The following IL1RAPL2 variants were observed in gnomAD, a reference collection of about 807,000 sequenced individuals.
The protein encoded by IL1RAPL2 is interleukin 1 receptor accessory protein like 2.
A neutral mutation model predicts 44.1 loss-of-function variants in IL1RAPL2; 3 were observed. The ratio of observed to expected loss-of-function variants is 0.07; its 90% CI spans 0.03 to 0.18. The LOEUF is 0.18. Among genes scored for constraint, IL1RAPL2 ranks in the 10% least tolerant of loss-of-function variants. The pLI is 1.00. For missense variants in IL1RAPL2, 391 were observed against 496.4 expected, an observed-to-expected ratio of 0.79 and a Z score of 2.02; for synonymous variants, 181 against 178.8, an observed-to-expected ratio of 1.01 and a Z score of -0.10.
chrX:105,667,092 C>T (rs1005848711), intron 6 of IL1RAPL2, among the ~76,000 whole-genome samples: 10 of 112,047 alleles, frequency 8.9e-5, no homozygotes, highest in Admixed American at 3.8e-4. Context: ...TTAAATGAAC[C>T]ATAGCAATCA....
intron 2 of IL1RAPL2, among the ~76,000 whole-genome samples, chrX:104,790,645 CAAA>C (rs746260814): frequency 1.8e-5 from 2 of 108,499 alleles, no homozygotes; most frequent in Admixed American, 9.8e-5. Flanking sequence ...TGTGTTCACT[CAAA>C]AAAAACCTTC....
intron 2 of IL1RAPL2, among the ~76,000 whole-genome samples, chrX:104,993,952 A>AC (rs1334999989): frequency 1.8e-5 from 2 of 112,005 alleles, no homozygotes; most frequent in Admixed American, 9.5e-5. Context: ...ACCATTATGA[A>AC]CAGGTATTCT....
intron 2 of IL1RAPL2, among the ~76,000 whole-genome samples, chrX:104,978,149 C>T (rs576478638): frequency 8.9e-6 from 1 of 112,026 alleles, no homozygotes; most frequent in East Asian, 2.8e-4. Context: ...AGTTCCATTT[C>T]TACAATGTTT....
intron 6 of IL1RAPL2, among the ~76,000 whole-genome samples, chrX:105,613,811 A>T (rs762349896): frequency 1.1e-4 from 12 of 111,579 alleles, no homozygotes; most frequent in Non-Finnish European, 2.3e-4. Context: ...GTGCGACCTC[A>T]TCTGCAGTAA....
At chrX:105,309,165 G>A (rs2034775415) in intron 5 of IL1RAPL2, among the ~76,000 whole-genome samples, 1 of 109,012 alleles carries the variant, frequency 9.2e-6, no homozygotes, top group Non-Finnish European at 1.9e-5. Flanking sequence ...CTCCCAAGTA[G>A]CTAGGATCAT....
chrX:105,646,863 C>G lies in IL1RAPL2; in HGVS notation c.773-70504C>G, dbSNP rs192041512. ...CAGCCAGTGACTAAGGACACTAGGA[C>G]AGGCCCATTTCTGGGAGATGCAGTG... On this transcript the variant is annotated intron_variant, in intron 6 of 10. Transcript: ENST00000372582. Among the ~76,000 whole-genome samples, 7 of 112,224 alleles carry G rather than the reference C, an allele frequency of 6.2e-5. No homozygotes were observed. In the East Asian group the frequency reaches 2.0e-3, roughly 32 times the overall value.
At chrX:105,663,051 T>A (rs752049165) in intron 6 of IL1RAPL2, among the ~76,000 whole-genome samples, 4 of 112,185 alleles carry the variant, frequency 3.6e-5, no homozygotes, top group Non-Finnish European at 7.5e-5. Context: ...TATATGATAC[T>A]TACCTATATA....
chrX:104,914,477 A>C (rs748530348), intron 2 of IL1RAPL2, among the ~76,000 whole-genome samples: 14 of 112,348 alleles, frequency 1.2e-4, no homozygotes, highest in Non-Finnish European at 1.9e-4. Context: ...TAATTTTATA[A>C]AATGATATAT....
At chrX:105,325,576 TAC>T (rs1395093330) in intron 5 of IL1RAPL2, among the ~76,000 whole-genome samples, 3 of 93,757 alleles carry the variant, frequency 3.2e-5, no homozygotes, top group African/African-American at 1.2e-4. Context: ...TATATATATA[TAC>T]ACATATGTAT....
intron 2 of IL1RAPL2, among the ~76,000 whole-genome samples, chrX:104,807,192 C>T: frequency 1.8e-5 from 2 of 110,970 alleles, no homozygotes. Context: ...GGTCCTTTTG[C>T]CATTTTTACT....
Position 104,666,768 on chromosome X carries a change from A to T in IL1RAPL2, c.82+7773A>T, listed in dbSNP as rs145967742. Among the ~76,000 whole-genome samples the T allele has an allele frequency of 5.0e-3, 556 of 111,484 alleles. 2 individuals carry two copies. Among genetic ancestry groups the T allele is most frequent in the African/African-American group, 0.017 (524 of 30,689 alleles). On this transcript the variant is annotated intron_variant, in intron 2 of 10. Coordinates refer to ENST00000372582, the MANE Select transcript of IL1RAPL2 (RefSeq NM_017416.2). Reference sequence around the variant, plus strand: ...TACAGGTGTAATTTGCCCTAAACGAAGTATGTGCTCTGCAAAAGCACACCC... The same window carrying T: ...TACAGGTGTAATTTGCCCTAAACGATGTATGTGCTCTGCAAAAGCACACCC...
intron 6 of IL1RAPL2, among the ~76,000 whole-genome samples, chrX:105,683,851 T>C (rs1229150864): frequency 2.7e-5 from 3 of 112,477 alleles, no homozygotes; most frequent in Non-Finnish European, 5.6e-5. Flanking sequence ...TCATACTTTA[T>C]ATGATTTCTC....
intron 2 of IL1RAPL2, among the ~76,000 whole-genome samples, chrX:104,787,143 C>A (rs546237579): frequency 9.0e-6 from 1 of 111,102 alleles, no homozygotes; most frequent in Non-Finnish European, 1.9e-5. Context: ...GTGAACAAAA[C>A]AAAGTTCTGC....
At chrX:104,814,242 C>T in intron 2 of IL1RAPL2, among the ~76,000 whole-genome samples, 1 of 111,693 alleles carries the variant, frequency 9.0e-6, no homozygotes, top group African/African-American at 3.2e-5. Context: ...GGCTTTCTTA[C>T]CTGGATACCT....
intron 6 of IL1RAPL2, among the ~76,000 whole-genome samples, chrX:105,668,792 G>A (rs1436802396): frequency 8.9e-6 from 1 of 111,800 alleles, no homozygotes; most frequent in Admixed American, 9.5e-5. Context: ...TCTAATAAGA[G>A]ACATCCATTA....
chrX:105,395,860 A>C (rs1285574721), intron 5 of IL1RAPL2, among the ~76,000 whole-genome samples: 3 of 111,940 alleles, frequency 2.7e-5, no homozygotes, highest in Non-Finnish European at 5.6e-5. Context: ...ATTGTTAGAA[A>C]TGCAAATTCT....
At chrX:105,361,081 G>A (rs980191025) in intron 5 of IL1RAPL2, among the ~76,000 whole-genome samples, 1 of 111,498 alleles carries the variant, frequency 9.0e-6, no homozygotes, top group Non-Finnish European at 1.9e-5. Flanking sequence ...AGAGAATGTG[G>A]CCTCTGATGA....
At chrX:105,679,471 A>AAGTC (rs2037903860) in intron 6 of IL1RAPL2, among the ~76,000 whole-genome samples, 1 of 112,344 alleles carries the variant, frequency 8.9e-6, no homozygotes, top group African/African-American at 3.2e-5. Flanking sequence ...TTCAAAATAA[A>AAGTC]AGTCAAAAGA....
intron 6 of IL1RAPL2, among the ~76,000 whole-genome samples, chrX:105,659,754 T>C (rs1204192111): frequency 5.5e-5 from 6 of 109,522 alleles, no homozygotes; most frequent in African/African-American, 2.0e-4. Flanking sequence ...TATCACATTC[T>C]CTTAACAGCA....
Sources: gnomAD v4.1 joint callset for allele counts (sites outside exome capture counted in the v4.1 genomes callset) on GRCh38, gnomAD v4.1.1 for gene constraint, MANE v1.5 for transcripts, NCBI Gene and HGNC (gene_info 2026-07-23, HGNC 2026-07-21) for gene names.